FBXL8: variants seen among roughly 807,000 people sequenced by gnomAD.
FBXL8 encodes F-box and leucine rich repeat protein 8.
In FBXL8, 13 loss-of-function variants were observed where a neutral mutation model predicts 8.2. The ratio of observed to expected loss-of-function variants is 1.58; its 90% CI spans 1.03 to 2.51. The LOEUF is 2.51. FBXL8 is among the 30% of genes most tolerant of loss of function. The probability of loss-of-function intolerance (pLI) is 0.00; values close to 1 mark genes in which losing one functional copy is unlikely to be tolerated. For synonymous variants in FBXL8, 271 were observed against 260.5 expected (o/e 1.04, Z -0.39); for missense variants, 565 against 540.4 (o/e 1.05, Z -0.45).
At chr16:67,160,671 A>G (rs2030867510) in intron 1 of FBXL8, among the ~76,000 whole-genome samples, 1 of 152,226 alleles carries the variant, frequency 6.6e-6, no homozygotes, top group African/African-American at 2.4e-5. Flanking sequence ...AGATCTCGCC[A>G]CTGCACTCCA....
At position 67,162,890 on chromosome 16, in the gene FBXL8, C is replaced by T; in HGVS notation, c.195C>T (p.Ser65=). Residue 65 remains serine, a synonymous_variant, in exon 3 of 3, where the codon TCC becomes TCT. Coordinates refer to ENST00000258200, the MANE Select transcript of FBXL8 (RefSeq NM_018378.3). The part of the protein sequence containing the change: ...ELEGMLPPYL[S]ACLDHIHNLR... The stretch of plus-strand genomic sequence containing the variant: ...AAGGCATGCTGCCACCTTATCTGTC[C>T]GCCTGCCTCGACCACATTCACAACC... 3 of 1,551,854 alleles carry T rather than the reference C, an allele frequency of 1.9e-6. No individual in the cohort carries two copies. Among genetic ancestry groups the T allele is most frequent in the Non-Finnish European group, 2.6e-6 (3 of 1,147,182 alleles).
rs1366057579 is a variant in FBXL8 at position 67,163,326 on chromosome 16, C to G, written c.631C>G (p.Leu211Val). The G allele has an allele frequency of 1.3e-6, 2 of 1,571,058 alleles. No homozygotes were observed. The highest frequency in any genetic ancestry group is 2.7e-5 in the African/African-American group (2 of 74,240). The change falls in exon 3 of 3, where the codon CTG becomes GTG. Residue 211 changes from leucine (L) to valine (V), a missense_variant. By Grantham distance (32) the Leu-to-Val change is conservative (BLOSUM62 1). Transcript: ENST00000258200. ...TTTGTCGCACGCCATCCTCGAAGCA[C>G]TGGCGGCGCCAGACCGAGCGCCTTT... ...ASLSHAILEA[L>V]AAPDRAPFAL...
At position 67,163,580 on chromosome 16, in the gene FBXL8, A is replaced by C. The variant is rs778538958; in HGVS notation, c.885A>C (p.Ala295=). ...ACACCGTAGGCCCAGTGCGCTTCGC[A>C]GCACACCACTACGCCGCAACCCTGT... ...SGDTVGPVRF[A]AHHYAATLCA... Residue 295 remains alanine (A), a synonymous_variant, in exon 3 of 3, where the codon GCA becomes GCC. Transcript: ENST00000258200. 1 of 1,581,012 alleles carries C rather than the reference A, an allele frequency of 6.3e-7. No homozygotes were observed.
intron 1 of FBXL8, 69 bp from the exon 2 acceptor site, chr16:67,161,666 A>C (rs960512865): frequency 1.6e-6 from 2 of 1,282,456 alleles, no homozygotes; most frequent in East Asian, 5.5e-5. Context: ...AAGCATTTGT[A>C]CACCTAAGCT....
chr16:67,163,314 A>G lies in FBXL8; in HGVS notation c.619A>G (p.Ile207Val), dbSNP rs1199089632. The change falls in exon 3 of 3, where the codon ATC (isoleucine) becomes GTC (valine). Residue 207 changes from isoleucine (I) to valine (V), a missense_variant. Ile to Val is a conservative substitution (Grantham distance 29, BLOSUM62 3). Coordinates refer to ENST00000258200, the MANE Select transcript of FBXL8 (RefSeq NM_018378.3). ...GLHLASLSHA[I>V]LEALAAPDRA... The stretch of plus-strand genomic sequence containing the variant: ...GCACCTAGCCAGTTTGTCGCACGCC[A>G]TCCTCGAAGCACTGGCGGCGCCAGA... 8 of 1,574,414 alleles carry G rather than the reference A, an allele frequency of 5.1e-6. No homozygotes were observed. The highest frequency in any genetic ancestry group is 1.8e-5 in the Admixed American group (1 of 56,492).
chr16:67,163,469 G>T lies in FBXL8; in HGVS notation c.774G>T (p.Leu258=). ...RHPGLAVELE[L]EPALPAESVT... ...CTGGGCTGGCAGTGGAGCTGGAGCTGGAGCCCGCGCTGCCCGCTGAGAGCG... is the reference window on the plus strand; with the variant it reads ...CTGGGCTGGCAGTGGAGCTGGAGCTTGAGCCCGCGCTGCCCGCTGAGAGCG... Residue 258 remains leucine, a synonymous_variant, in exon 3 of 3, where the codon CTG becomes CTT. Transcript: ENST00000258200. The T allele has an allele frequency of 4.6e-6, 7 of 1,536,290 alleles. No individual in the cohort carries two copies. Among genetic ancestry groups the T allele is most frequent in the Non-Finnish European group, 6.1e-6 (7 of 1,147,304 alleles).
At chr16:67,162,015 A>G (rs2030928169) in intron 2 of FBXL8, 78 bp downstream of exon 2, 2 of 1,440,128 alleles carry the variant, frequency 1.4e-6, no homozygotes, top group East Asian at 2.6e-5. Flanking sequence ...GTAGATATTC[A>G]GGTTGACTCC....
chr16:67,162,719 G>C (rs1342212130), intron 2 of FBXL8, 129 bp from the exon 3 acceptor site: 16 of 1,315,778 alleles, frequency 1.2e-5, no homozygotes, highest in Admixed American at 5.9e-5. Context: ...GTCGTGGTCT[G>C]AACAGAGACG....
In FBXL8 at chr16:67,162,145, C is replaced by A. The variant is rs548906253; in HGVS notation, c.152+208C>A. On this transcript the variant is annotated intron_variant, in intron 2 of 2. Transcript: ENST00000258200. ...AGGAGTTTGAGACCAGCCTGGCCAC[C>A]ATGCTGAAACCCCGTCTCTACTAAA... The A allele has an allele frequency of 7.3e-5, 38 of 519,734 alleles. No individual in the cohort carries two copies. The East Asian group carries it at 1.3e-3, about 18-fold the overall frequency. 32.2% of individuals were successfully genotyped at this position (519,734 alleles called of 1,614,324 possible). A position where few individuals can be genotyped will look rare whatever the true frequency, so the allele number is the denominator to read the frequency against.
chr16:67,162,407 A>G, intron 2 of FBXL8: 5 of 594,144 alleles, frequency 8.4e-6, no homozygotes, highest in South Asian at 8.1e-5. Context: ...ACATATATTA[A>G]CTAATTTAAT....
At position 67,163,145 on chromosome 16, in the gene FBXL8, C is replaced by T. The variant is rs369785877; in HGVS notation, c.450C>T (p.Asp150=). 1.1e-5 allele frequency: 18 copies of T among 1,569,598 alleles called. No individual in the cohort carries two copies. The African/African-American group carries it at 2.2e-4, about 19-fold the overall frequency. ...TGCGGCGCTTGTCCTTCACACTGGA[C>T]GACGCGCTGGTGCTGCAGGCGGCGC... ...LDLRRLSFTL[D]DALVLQAARS... The change falls in exon 3 of 3, where the codon GAC becomes GAT. Residue 150 remains aspartate, a synonymous_variant. Coordinates refer to ENST00000258200, the MANE Select transcript of FBXL8 (RefSeq NM_018378.3).
rs1020294862 is a variant in FBXL8 at position 67,164,043 on chromosome 16, C to T, written c.*223C>T. The stretch of plus-strand genomic sequence containing the variant: ...GACGCCCCACCCGCTCGGTCCTGGA[C>T]ACACTGCCCCCCTCTCTTGCCTCCA... On this transcript the variant is annotated 3_prime_UTR_variant, in exon 3 of 3. Coordinates refer to ENST00000258200, the MANE Select transcript of FBXL8 (RefSeq NM_018378.3). The T allele has an allele frequency of 5.6e-6, 4 of 720,664 alleles. No homozygotes were observed. Among genetic ancestry groups the T allele is most frequent in the Admixed American group, 4.0e-5 (2 of 49,874 alleles). The allele number at this position is 720,664 out of a possible 1,614,324, so 44.6% of individuals were successfully genotyped here.
Position 67,161,852 on chromosome 16 carries a change from A to G in FBXL8, c.67A>G (p.Arg23Gly), listed in dbSNP as rs544683763. ...LALIFRHLSL[R>G]DRAAAARVCR... The stretch of plus-strand genomic sequence containing the variant: ...ACTCATCTTCCGCCACCTGTCCCTG[A>G]GAGACCGTGCTGCCGCCGCCAGGGT... Residue 23 changes from arginine (R) to glycine (G), a missense_variant, in exon 2 of 3, where the codon AGA becomes GGA. By Grantham distance (125) the Arg-to-Gly change is moderately radical (BLOSUM62 -2). Transcript: ENST00000258200. The G allele has an allele frequency of 5.0e-6, 8 of 1,611,054 alleles. No homozygotes were observed. Among genetic ancestry groups the G allele is most frequent in the African/African-American group, 4.0e-5 (3 of 75,004 alleles).
At chr16:67,161,145 G>C (rs2030882884) in intron 1 of FBXL8, 1 of 169,626 alleles carries the variant, frequency 5.9e-6, no homozygotes, top group Non-Finnish European at 1.3e-5. Context: ...GCGGGGTTAA[G>C]ATGGGGTTTC....
chr16:67,162,686 G>A (rs756815055), intron 2 of FBXL8, 162 bp from the exon 3 acceptor site: 4 of 942,092 alleles, frequency 4.2e-6, no homozygotes, highest in Non-Finnish European at 5.0e-6. Flanking sequence ...GATAGGATGC[G>A]AGTTCCCTCC....
At position 67,163,359 on chromosome 16, in the gene FBXL8, T is replaced by A. The variant is rs765134745; in HGVS notation, c.664T>A (p.Leu222Met). The A allele has an allele frequency of 3.2e-6, 5 of 1,550,462 alleles. No homozygotes were observed. Among genetic ancestry groups the A allele is most frequent in the Non-Finnish European group, 3.5e-6 (4 of 1,152,864 alleles). ...GCCAGACCGAGCGCCTTTCGCGCTC[T>A]TGGCTCTGCGGTGCGCGTGCCCCGA... ...AAPDRAPFALLALRCACPEDA... is the reference protein window; with the variant it reads ...AAPDRAPFALMALRCACPEDA... The change falls in exon 3 of 3, where the codon TTG (leucine) becomes ATG (methionine). Residue 222 changes from leucine (L) to methionine (M), a missense_variant. Leu to Met is a conservative substitution (Grantham distance 15). Transcript: ENST00000258200.
rs1282851246 is a variant in FBXL8, at chr16:67,164,095, G to T, written c.*275G>T. ...CCCTCTGCGGACTCTGCAGCTCCGC[G>T]GCCCCGGCGCAGGGAGAGGGAGGGC... On this transcript the variant is annotated 3_prime_UTR_variant, in exon 3 of 3. Coordinates refer to ENST00000258200, the MANE Select transcript of FBXL8 (RefSeq NM_018378.3). The T allele has an allele frequency of 2.9e-6, 2 of 685,742 alleles. No homozygotes were observed. The highest frequency in any genetic ancestry group is 2.1e-5 in the Admixed American group (1 of 48,720). 42.5% of individuals were successfully genotyped at this position (685,742 alleles called of 1,614,324 possible).
rs1222156310 is a variant in FBXL8 at position 67,164,033 on chromosome 16, C to A, written c.*213C>A. The A allele has an allele frequency of 2.7e-6, 2 of 733,374 alleles. No homozygotes were observed. Among genetic ancestry groups the A allele is most frequent in the Non-Finnish European group, 4.8e-6 (2 of 415,296 alleles). 45.4% of individuals were successfully genotyped at this position (733,374 alleles called of 1,614,324 possible). ...ACCCTCTGCAGACGCCCCACCCGCT[C>A]GGTCCTGGACACACTGCCCCCCTCT... On this transcript the variant is annotated 3_prime_UTR_variant, in exon 3 of 3. Transcript: ENST00000258200.
At chr16:67,160,970 A>T (rs2030876649) in intron 1 of FBXL8, 1 of 152,468 alleles carries the variant, frequency 6.6e-6, no homozygotes, top group Non-Finnish European at 1.5e-5. Flanking sequence ...CACCCGGGAC[A>T]TCTCCCCGGC....
Sources: allele counts gnomAD v4.1 joint callset (sites outside exome capture counted in the v4.1 genomes callset), GRCh38; gene constraint gnomAD v4.1.1; transcripts MANE v1.5; gene names NCBI Gene and HGNC (gene_info 2026-07-23, HGNC 2026-07-21).